MAP2: variants seen among roughly 807,000 people sequenced by gnomAD.
MAP2 encodes the protein microtubule-associated protein 2.
A neutral mutation model predicts 137.6 loss-of-function variants in MAP2; 14 were observed. The ratio of observed to expected loss-of-function variants is 0.10; its 90% CI spans 0.07 to 0.16. The LOEUF (loss-of-function observed/expected upper bound fraction) is 0.16. MAP2 is among the 10% of genes least tolerant of loss of function. The pLI is 1.00. For missense variants in MAP2, 2,088 were observed against 2,191.5 expected, an observed-to-expected ratio of 0.95 and a Z score of 0.94; for synonymous variants, 786 against 782.3, an observed-to-expected ratio of 1.00 and a Z score of -0.08.
intron 5 of MAP2, among the ~76,000 whole-genome samples, chr2:209,669,448 A>G (rs1323973186): frequency 6.6e-6 from 1 of 152,086 alleles, no homozygotes; most frequent in African/African-American, 2.4e-5. Context: ...GCTGATCTTT[A>G]CCATTTTATT....
At chr2:209,680,098 T>A (rs112075368) in intron 6 of MAP2, among the ~76,000 whole-genome samples, 17 of 152,172 alleles carry the variant, frequency 1.1e-4, no homozygotes, top group African/African-American at 4.1e-4. Flanking sequence ...AACCTTTTTC[T>A]CTGGTTCCTT....
intron 1 of MAP2, among the ~76,000 whole-genome samples, chr2:209,475,069 C>CT (rs1413238397): frequency 6.6e-6 from 1 of 151,952 alleles, no homozygotes; most frequent in Non-Finnish European, 1.5e-5. Context: ...AGCTCCATTT[C>CT]TTGTCTTAAT....
chr2:209,558,871 G>A (rs1291982433), intron 2 of MAP2, among the ~76,000 whole-genome samples: 1 of 151,742 alleles, frequency 6.6e-6, no homozygotes. Context: ...TGATCATTAG[G>A]TTCAGAGTAT....
chr2:209,501,344 G>C (rs2060355729), intron 1 of MAP2, among the ~76,000 whole-genome samples: 1 of 152,130 alleles, frequency 6.6e-6, no homozygotes, highest in Non-Finnish European at 1.5e-5. Flanking sequence ...TGTATTCCTT[G>C]TGAGGTATAA....
chr2:209,697,084 A>C, intron 10 of MAP2, 33 bp downstream of exon 10: 2 of 1,541,940 alleles, frequency 1.3e-6, no homozygotes, highest in South Asian at 2.5e-5. Context: ...TGACTGGCAA[A>C]CATAGACATG....
chr2:209,439,029 C>T (rs1697086009), intron 1 of MAP2, among the ~76,000 whole-genome samples: 1 of 151,400 alleles, frequency 6.6e-6, no homozygotes, highest in Admixed American at 6.6e-5. Flanking sequence ...TGCCATTTAA[C>T]TGCATAAAAA....
intron 5 of MAP2, among the ~76,000 whole-genome samples, chr2:209,657,632 T>A (rs2041572415): frequency 2.6e-5 from 4 of 152,192 alleles, no homozygotes; most frequent in Admixed American, 2.6e-4. Context: ...GAGGATTTTT[T>A]TTTTCTTGTT....
intron 1 of MAP2, 112 bp downstream of exon 1, chr2:209,424,388 T>G (rs2149209682): frequency 6.5e-6 from 1 of 152,822 alleles, no homozygotes. Flanking sequence ...CCTCTGGGAC[T>G]CGCAGCAGGC....
At chr2:209,730,156 C>A in intron 15 of MAP2, 26 bp from the exon 16 acceptor site, 1 of 1,592,790 alleles carries the variant, frequency 6.3e-7, no homozygotes, top group Non-Finnish European at 8.6e-7. Context: ...CATGAGTTAA[C>A]GAGGACTGAT....
At chr2:209,443,324 A>G (rs1475732406) in intron 1 of MAP2, among the ~76,000 whole-genome samples, 3 of 151,272 alleles carry the variant, frequency 2.0e-5, no homozygotes, top group Non-Finnish European at 4.4e-5. Flanking sequence ...AGTAACCATC[A>G]TATTCATTTT....
chr2:209,641,912 A>C (rs575485896), intron 4 of MAP2, among the ~76,000 whole-genome samples: 9 of 152,274 alleles, frequency 5.9e-5, no homozygotes, highest in African/African-American at 2.2e-4. Flanking sequence ...CCAATCGAGC[A>C]GGTTTACAAA....
At chr2:209,518,779 CG>C (rs1559267473) in intron 2 of MAP2, among the ~76,000 whole-genome samples, 1 of 151,756 alleles carries the variant, frequency 6.6e-6, no homozygotes, top group Non-Finnish European at 1.5e-5. Flanking sequence ...CTGTTTTTGT[CG>C]TAGGTTTTAT....
intron 1 of MAP2, among the ~76,000 whole-genome samples, chr2:209,466,597 G>T (rs1410674877): frequency 6.6e-6 from 1 of 152,076 alleles, no homozygotes; most frequent in Admixed American, 6.5e-5. Context: ...TTCACACAAA[G>T]AAAGTAGAAC....
At chr2:209,633,679 G>C (rs188997239) in intron 4 of MAP2, among the ~76,000 whole-genome samples, 1 of 152,096 alleles carries the variant, frequency 6.6e-6, no homozygotes, top group Non-Finnish European at 1.5e-5. Flanking sequence ...AAAAGACTAG[G>C]TTTGTAGTCA....
intron 3 of MAP2, among the ~76,000 whole-genome samples, chr2:209,619,897 T>C (rs1580895289): frequency 1.3e-5 from 2 of 152,256 alleles, no homozygotes; most frequent in East Asian, 3.9e-4. Context: ...ACATGTTCAG[T>C]ACAGTGGGCT....
intron 13 of MAP2, among the ~76,000 whole-genome samples, chr2:209,718,726 T>C (rs1442444721): frequency 1.3e-5 from 2 of 152,240 alleles, no homozygotes; most frequent in African/African-American, 4.8e-5. Flanking sequence ...CATAAACTGT[T>C]ATTTCTTCCT....
intron 4 of MAP2, among the ~76,000 whole-genome samples, chr2:209,642,439 AAAAG>A (rs1210761321): frequency 6.6e-6 from 1 of 151,906 alleles, no homozygotes; most frequent in African/African-American, 2.4e-5. Flanking sequence ...AAAAAAAAAA[AAAAG>A]AAAGAAAAAG....
intron 5 of MAP2, among the ~76,000 whole-genome samples, chr2:209,667,244 G>A (rs1045720539): frequency 4.6e-5 from 7 of 151,814 alleles, no homozygotes; most frequent in African/African-American, 1.7e-4. Context: ...TTTGTTTCAT[G>A]TGTGCATTTC....
intron 4 of MAP2, among the ~76,000 whole-genome samples, chr2:209,639,544 C>T (rs929978972): frequency 6.6e-6 from 1 of 152,116 alleles, no homozygotes; most frequent in Admixed American, 6.6e-5. Context: ...AATTTACTTT[C>T]CATACCACTG....
Sources: gnomAD v4.1 joint callset for allele counts (sites outside exome capture counted in the v4.1 genomes callset) on GRCh38, gnomAD v4.1.1 for gene constraint, MANE v1.5 for transcripts, NCBI Gene and HGNC (gene_info 2026-07-23, HGNC 2026-07-21) for gene names.